TJP3: variants seen among roughly 807,000 people sequenced by gnomAD.
The protein encoded by TJP3 is tight junction protein 3.
In TJP3, 85 loss-of-function variants were observed where a neutral mutation model predicts 104.2. The observed-to-expected ratio is 0.82, with a 90% CI of 0.68 to 0.98. The LOEUF is 0.98. TJP3 is among the 50% of genes least tolerant of loss of function. The probability of loss-of-function intolerance (pLI) is 0.00; values close to 1 mark genes in which losing one functional copy is unlikely to be tolerated. For synonymous variants in TJP3, 550 were observed against 550.6 expected, an observed-to-expected ratio of 1.00 and a Z score of 0.02; for missense variants, 1,367 against 1,322.8, an observed-to-expected ratio of 1.03 and a Z score of -0.52.
At chr19:3,748,193 T>C in intron 19 of TJP3, 112 bp downstream of exon 19, 1 of 1,363,898 alleles carries the variant, frequency 7.3e-7, no homozygotes, top group South Asian at 1.5e-5. Flanking sequence ...AAACACGGCT[T>C]CCCTGGTCAG....
rs749503450 is a variant in TJP3 at position 3,738,590 on chromosome 19, G to A, written c.1320G>A (p.Glu440=). 35 of 1,613,916 alleles carry A rather than the reference G, an allele frequency of 2.2e-5. 2 individuals are homozygous for A. In the South Asian group the frequency reaches 3.0e-4, roughly 14 times the overall value. Residue 440 remains glutamate, a synonymous_variant, in exon 12 of 21, where the codon GAG becomes GAA. Transcript: ENST00000541714. Reference sequence around the variant, plus strand: ...TGCCATTCCAGAACCTGACACGGGAGGAGGCAGTGCAGTTCCTGCTGGGGC... The same window carrying A: ...TGCCATTCCAGAACCTGACACGGGAAGAGGCAGTGCAGTTCCTGCTGGGGC... ...NDVPFQNLTR[E]EAVQFLLGLP...
At chr19:3,736,039 G>A in intron 10 of TJP3, 104 bp downstream of exon 10, 1 of 1,576,770 alleles carries the variant, frequency 6.3e-7, no homozygotes, top group Non-Finnish European at 8.7e-7. Flanking sequence ...TGTTGAGTGG[G>A]ACCATTAAGT....
chr19:3,740,457 G>A (rs1436645718), intron 13 of TJP3, 95 bp from the exon 14 acceptor site: 4 of 664,604 alleles, frequency 6.0e-6, no homozygotes, highest in Non-Finnish European at 6.6e-6. Flanking sequence ...ATACAAAGTG[G>A]CCTGTCCACA....
At chr19:3,740,857 T>C in intron 14 of TJP3, 94 bp downstream of exon 14, 2 of 1,266,890 alleles carry the variant, frequency 1.6e-6, no homozygotes, top group Non-Finnish European at 2.1e-6. Context: ...AGGCACAGTC[T>C]TGGCCCGGCG....
At position 3,708,399 on chromosome 19, in the gene TJP3, G is replaced by C. The variant is rs694672; in HGVS notation, c.-172G>C. ...TGTGGTCGTCAGTTCCACTGGCAGG[G>C]GACCTGCCTCCCTGTTGCCACCACA... On this transcript the variant is annotated 5_prime_UTR_variant, in exon 1 of 21. Transcript: ENST00000541714. The C allele has an allele frequency of 0.7, 106,832 of 152,062 alleles. 38,002 individuals are homozygous for C. The highest frequency in any genetic ancestry group is 1 in the East Asian group (5,119 of 5,138). 9.4% of individuals were successfully genotyped at this position (152,062 alleles called of 1,614,324 possible).
At chr19:3,740,004 C>T (rs1453595655) in intron 13 of TJP3, among the ~76,000 whole-genome samples, 6 of 151,986 alleles carry the variant, frequency 3.9e-5, no homozygotes, top group Admixed American at 2.0e-4. Flanking sequence ...GAGGCTGAGG[C>T]GGGCAGATCA....
At chr19:3,721,907 C>G in intron 1 of TJP3, 1 of 1,228,560 alleles carries the variant, frequency 8.1e-7, no homozygotes. Context: ...CGGTGAGATT[C>G]CAGGCGAGTA....
chr19:3,725,138 T>C (rs1199133277), intron 1 of TJP3, among the ~76,000 whole-genome samples: 1 of 152,142 alleles, frequency 6.6e-6, no homozygotes, highest in East Asian at 1.9e-4. Context: ...GGTGCATGCC[T>C]GTGGTCCCAG....
intron 1 of TJP3, among the ~76,000 whole-genome samples, chr19:3,723,808 A>AATAT (rs201031463): frequency 3.0e-3 from 388 of 128,930 alleles, no homozygotes; most frequent in South Asian, 6.8e-3. Flanking sequence ...AAAAAAAAAA[A>AATAT]ATATATATAT....
chr19:3,743,918 C>A, intron 14 of TJP3, 21 bp from the exon 15 acceptor site: 1 of 1,611,892 alleles, frequency 6.2e-7, no homozygotes, highest in East Asian at 2.2e-5. Context: ...CTGATTCTTT[C>A]ACTGTGTCTC....
rs144553189 is a variant in TJP3 at position 3,740,734 on chromosome 19, C to A, written c.1814C>A (p.Pro605Gln). The A allele has an allele frequency of 1.9e-6, 3 of 1,594,352 alleles. No individual in the cohort carries two copies. The highest frequency in any genetic ancestry group is 2.6e-6 in the Non-Finnish European group (3 of 1,171,222). ...LSALTRQGRY[P>Q]PYERVVLREA... is the part of the protein sequence containing the mutation. ...GCTCTGACCCGACAGGGCCGCTACCCGCCCTACGAACGAGTGGTGTTGCGA... is the reference window on the plus strand; with the variant it reads ...GCTCTGACCCGACAGGGCCGCTACCAGCCCTACGAACGAGTGGTGTTGCGA... Residue 605 changes from proline (P) to glutamine (Q), a missense_variant, in exon 14 of 21, where the codon CCG becomes CAG. Physicochemically the swap from Pro to Gln is moderately conservative, Grantham distance 76 (BLOSUM62 -1). Coordinates refer to ENST00000541714, the MANE Select transcript of TJP3 (RefSeq NM_001267560.2).
intron 1 of TJP3, among the ~76,000 whole-genome samples, chr19:3,726,582 G>A (rs2036598007): frequency 6.6e-6 from 1 of 150,512 alleles, no homozygotes; most frequent in African/African-American, 2.4e-5. Flanking sequence ...CTCAGCAACA[G>A]AGTTTTTTTT....
chr19:3,744,445 C>T (rs1013677223), intron 15 of TJP3, among the ~76,000 whole-genome samples: 5 of 151,924 alleles, frequency 3.3e-5, no homozygotes, highest in African/African-American at 1.2e-4. Context: ...GCGGGTGGAT[C>T]ACGAGGTCAA....
rs561318170 is a variant in TJP3 at position 3,747,921 on chromosome 19, C to T, written c.2450C>T (p.Thr817Met). The T allele has an allele frequency of 5.0e-5, 80 of 1,613,252 alleles. No individual in the cohort carries two copies. The Middle Eastern group carries it at 1.2e-3, about 23-fold the overall frequency. Reference sequence around the variant, plus strand: ...ACGGACGGCGAGGGCGGCGCGTACACGGATGGCGAGGGCTACACAGACGGC... The same window carrying T: ...ACGGACGGCGAGGGCGGCGCGTACATGGATGGCGAGGGCTACACAGACGGC... ...YETDGEGGAY[T>M]DGEGYTDGEG... The change falls in exon 19 of 21, where the codon ACG becomes ATG. Residue 817 changes from threonine (T) to methionine (M), a missense_variant. By Grantham distance (81) the Thr-to-Met change is moderately conservative. Transcript: ENST00000541714.
chr19:3,750,529 G>A, intron 20 of TJP3, 53 bp from the exon 21 acceptor site: 1 of 1,473,210 alleles, frequency 6.8e-7, no homozygotes, highest in East Asian at 2.4e-5. Context: ...TTTATGGTGA[G>A]AAAGCTCACA....
Position 3,746,638 on chromosome 19 carries a change from C to G in TJP3, c.2164C>G (p.Arg722Gly), listed in dbSNP as rs571782628. The G allele has an allele frequency of 1.9e-6, 3 of 1,613,318 alleles. No homozygotes were observed. The highest frequency in any genetic ancestry group is 1.1e-5 in the South Asian group (1 of 91,052). ...GGCGCCTGCCTCCCGCCGCAGCACC[C>G]GTCGCCTCTACGCACAAGCCCAGAA... ...WLAPASRRST[R>G]RLYAQAQKLR... The change falls in exon 17 of 21, where the codon CGT becomes GGT. Residue 722 changes from arginine to glycine, a missense_variant. Arg to Gly is a moderately radical substitution (Grantham distance 125). Coordinates refer to ENST00000541714, the MANE Select transcript of TJP3 (RefSeq NM_001267560.2). The surrounding 1 kb of genome is among the most constrained non-coding windows in gnomAD (Gnocchi z 4.1).
Position 3,730,428 on chromosome 19 carries a change from C to T in TJP3, c.335C>T (p.Ser112Leu), listed in dbSNP as rs758459177. 58 of 1,589,866 alleles carry T rather than the reference C, an allele frequency of 3.6e-5. No individual in the cohort carries two copies. Among genetic ancestry groups the T allele is most frequent in the Admixed American group, 5.4e-5 (3 of 55,948 alleles). ...CCCTCCAGCCCAGGGCGCCAGGACT[C>T]GGATGAAGACGATGGGCCCCAGCGG... ...ASPSSPGRQD[S>L]DEDDGPQRVE... Residue 112 changes from serine to leucine, a missense_variant, in exon 5 of 21, where the codon TCG becomes TTG. Physicochemically the swap from Ser to Leu is moderately radical, Grantham distance 145. Coordinates refer to ENST00000541714, the MANE Select transcript of TJP3 (RefSeq NM_001267560.2). The surrounding 1 kb of genome is among the most constrained non-coding windows in gnomAD (Gnocchi z 7.3).
Position 3,740,203 on chromosome 19 carries a change from A to T in TJP3, c.1632-349A>T, listed in dbSNP as rs570717371. ...GCAGAGATTGCACCGCTGCACTCCA[A>T]CCTGGCGACGGAGCGAGACTCTATC... On this transcript the variant is annotated intron_variant, in intron 13 of 20. Transcript: ENST00000541714. Among the ~76,000 whole-genome samples the T allele has an allele frequency of 3.3e-5, 5 of 151,934 alleles. No homozygotes were observed. In the East Asian group the frequency reaches 9.7e-4, roughly 29 times the overall value.
chr19:3,739,646 A>C (rs553859204), intron 13 of TJP3, among the ~76,000 whole-genome samples: 2 of 152,330 alleles, frequency 1.3e-5, no homozygotes, highest in East Asian at 3.9e-4. Flanking sequence ...GGCTTTAAAC[A>C]ACACACACAT....
Sources: allele counts gnomAD v4.1 joint callset (sites outside exome capture counted in the v4.1 genomes callset), GRCh38; gene constraint gnomAD v4.1.1; non-coding constraint Gnocchi (gnomAD v3.1); transcripts MANE v1.5; gene names NCBI Gene and HGNC (gene_info 2026-07-23, HGNC 2026-07-21).